Variants in PPHLN1 observed in about 807,000 individuals in gnomAD.
The protein encoded by PPHLN1 is periphilin-1.
PPHLN1 carries 29 observed loss-of-function variants against 51.3 expected under a neutral mutation model. The ratio of observed to expected loss-of-function variants is 0.57; its 90% CI spans 0.42 to 0.77. The LOEUF is 0.77. Ranked by LOEUF, PPHLN1 falls within the 30% of genes least tolerant of loss-of-function variation. The probability of loss-of-function intolerance (pLI) is 0.00; values close to 1 mark genes in which losing one functional copy is unlikely to be tolerated. For missense variants in PPHLN1, 436 were observed against 438.4 expected, an observed-to-expected ratio of 0.99 and a Z score of 0.05; for synonymous variants, 147 against 147.8, an observed-to-expected ratio of 0.99 and a Z score of 0.04.
intron 1 of PPHLN1, among the ~76,000 whole-genome samples, chr12:42,332,482 T>C (rs922431947): frequency 6.6e-6 from 1 of 152,222 alleles, no homozygotes; most frequent in African/African-American, 2.4e-5. Flanking sequence ...ATTTTGTTCT[T>C]ATGAAACTTG....
downstream of PPHLN1, chr12:42,448,071 T>TG (rs74794905): frequency 0.28 from 42,543 of 152,066 alleles, 7,309 homozygotes; most frequent in Non-Finnish European, 0.38. Context: ...CCCGCTTCCC[T>TG]GGGGTTTTTC....
At chr12:42,342,536 A>AT (rs1350776131) in intron 2 of PPHLN1, among the ~76,000 whole-genome samples, 21 of 152,258 alleles carry the variant, frequency 1.4e-4, no homozygotes, top group East Asian at 1.3e-3. Context: ...TAAAATGTCG[A>AT]TTTTTTCATT....
At chr12:42,422,258 G>A (rs117632592) in intron 9 of PPHLN1, among the ~76,000 whole-genome samples, 10 of 152,338 alleles carry the variant, frequency 6.6e-5, no homozygotes, top group Non-Finnish European at 1.2e-4. Flanking sequence ...AACCCTCAGA[G>A]AGCAAAGCCA....
At chr12:42,430,310 A>G (rs960257595) in intron 9 of PPHLN1, among the ~76,000 whole-genome samples, 3 of 151,994 alleles carry the variant, frequency 2.0e-5, no homozygotes, top group African/African-American at 7.3e-5. Flanking sequence ...TACAGTTGAT[A>G]CTTGAACAAC....
rs199720292 is a variant in PPHLN1, at chr12:42,374,844, G to GTT, written c.300-7_300-6dup. On this transcript the variant is annotated intron_variant, in intron 4 of 9. Transcript: ENST00000358314. ...ATAGAGTATAATTAACTTATTTTATGTTTTTTTTTTTTTCAAAGGGACATG... is the reference window on the plus strand; with the variant it reads ...ATAGAGTATAATTAACTTATTTTATGTTTTTTTTTTTTTTTCAAAGGGACATG... The GTT allele has an allele frequency of 0.017, 22,320 of 1,301,364 alleles. 5 individuals carry two copies. Among genetic ancestry groups the GTT allele is most frequent in the African/African-American group, 0.028 (1,850 of 65,126 alleles). 80.6% of individuals were successfully genotyped at this position (1,301,364 alleles called of 1,614,324 possible). A position where few individuals can be genotyped will look rare whatever the true frequency, so the allele number is the denominator to read the frequency against.
In PPHLN1 at chr12:42,326,990, C is replaced by T. The variant is rs192301866; in HGVS notation, c.-21+761C>T. Among the ~76,000 whole-genome samples, 8 of 152,294 alleles carry T rather than the reference C, an allele frequency of 5.3e-5. No individual in the cohort carries two copies. In the East Asian group the frequency reaches 1.2e-3, roughly 22 times the overall value. On this transcript the variant is annotated intron_variant, in intron 1 of 9. Transcript: ENST00000358314. ...ACGGAAGTACAATCCATCCAGGGCGCAGCTGAATTTTGAGAGGCCTGAATG... is the reference window on the plus strand; with the variant it reads ...ACGGAAGTACAATCCATCCAGGGCGTAGCTGAATTTTGAGAGGCCTGAATG...
intron 4 of PPHLN1, among the ~76,000 whole-genome samples, chr12:42,358,121 G>T (rs1013928727): frequency 6.6e-6 from 1 of 152,000 alleles, no homozygotes; most frequent in Non-Finnish European, 1.5e-5. Flanking sequence ...TCTTTATCCA[G>T]TCATCCATTG....
At chr12:42,446,660 C>T (rs1331352318), downstream of PPHLN1, 10 of 1,580,458 alleles carry the variant, frequency 6.3e-6, no homozygotes, top group African/African-American at 1.3e-5. Context: ...CATCTGTACT[C>T]GTCAATCAAC....
chr12:42,354,987 C>T (rs1222126994), intron 3 of PPHLN1, among the ~76,000 whole-genome samples, 174 bp from the exon 4 acceptor site: 1 of 152,190 alleles, frequency 6.6e-6, no homozygotes, highest in African/African-American at 2.4e-5. Context: ...ACCACAGGTT[C>T]TCAGTCAGTC....
At chr12:42,326,461 A>G (rs1167510241) in intron 1 of PPHLN1, among the ~76,000 whole-genome samples, 2 of 152,166 alleles carry the variant, frequency 1.3e-5, no homozygotes, top group Admixed American at 6.5e-5. Context: ...AATATGCAAG[A>G]AGACGACTGA....
At chr12:42,352,187 G>A (rs2073448039) in intron 3 of PPHLN1, 138 bp downstream of exon 3, 1 of 762,466 alleles carries the variant, frequency 1.3e-6, no homozygotes, top group Admixed American at 4.2e-5. Flanking sequence ...ATTGCCTGCT[G>A]GAGCTGTCAG....
chr12:42,372,878 TC>T (rs2075930653), intron 4 of PPHLN1, among the ~76,000 whole-genome samples: 1 of 152,200 alleles, frequency 6.6e-6, no homozygotes, highest in Non-Finnish European at 1.5e-5. Context: ...CATTAATCTA[TC>T]ATGCCAGAAT....
At chr12:42,359,085 A>G (rs2074347383) in intron 4 of PPHLN1, among the ~76,000 whole-genome samples, 1 of 152,170 alleles carries the variant, frequency 6.6e-6, no homozygotes, top group Admixed American at 6.5e-5. Context: ...ATTCTGATAT[A>G]TAGTAATTTA....
intron 2 of PPHLN1, among the ~76,000 whole-genome samples, chr12:42,339,829 T>C (rs1009135485): frequency 1.3e-5 from 2 of 151,148 alleles, no homozygotes; most frequent in Admixed American, 1.3e-4. Flanking sequence ...TATAAAATTA[T>C]CTGTGATCTC....
intron 2 of PPHLN1, among the ~76,000 whole-genome samples, chr12:42,344,304 C>T (rs1033972261): frequency 6.6e-5 from 10 of 152,070 alleles, no homozygotes; most frequent in East Asian, 3.9e-4. Flanking sequence ...AGTGTGTTTT[C>T]GTTGTTATTT....
chr12:42,404,061 G>C (rs2079071382), intron 9 of PPHLN1, among the ~76,000 whole-genome samples: 1 of 150,446 alleles, frequency 6.6e-6, no homozygotes, highest in African/African-American at 2.4e-5. Flanking sequence ...TTTGAAACGA[G>C]GTCTCACTGC....
At chr12:42,440,208 GACTTAT>G (rs1327414831) in intron 9 of PPHLN1, among the ~76,000 whole-genome samples, 4 of 150,572 alleles carry the variant, frequency 2.7e-5, no homozygotes, top group East Asian at 1.9e-4. Context: ...TATTTTGTTA[GACTTAT>G]ACTTAAGGGT....
chr12:42,331,787 A>G (rs1277157092), intron 1 of PPHLN1: 1 of 152,204 alleles, frequency 6.6e-6, no homozygotes, highest in African/African-American at 2.4e-5. Context: ...TGGCTTAGAT[A>G]ACTTTTCTGG....
At chr12:42,342,649 T>C in intron 2 of PPHLN1, among the ~76,000 whole-genome samples, 1 of 152,238 alleles carries the variant, frequency 6.6e-6, no homozygotes, top group East Asian at 1.9e-4. Flanking sequence ...TTCTGGGCAA[T>C]TACAACAGAG....
Sources: allele counts gnomAD v4.1 joint callset (sites outside exome capture counted in the v4.1 genomes callset), GRCh38; gene constraint gnomAD v4.1.1; transcripts MANE v1.5; gene names NCBI Gene and HGNC (gene_info 2026-07-23, HGNC 2026-07-21).